The following KIF11 variants were observed in gnomAD, a reference collection of about 807,000 sequenced individuals.
The protein encoded by KIF11 is kinesin-like protein KIF11.
Under a neutral mutation model 121.0 loss-of-function variants are expected in KIF11, and 9 were observed. That is an observed-to-expected ratio of 0.07 (90% CI 0.04 to 0.13). The LOEUF (loss-of-function observed/expected upper bound fraction) is 0.13, where lower values mean the gene tolerates loss of function less well. Among genes scored for constraint, KIF11 ranks in the 10% least tolerant of loss-of-function variants. The pLI, the probability that KIF11 is intolerant of heterozygous loss-of-function variation, is 1.00. For synonymous variants in KIF11, 408 were observed against 421.0 expected (o/e 0.97, Z 0.38); for missense variants, 846 against 1,217.5 (o/e 0.69, Z 4.54).
chr10:92,618,420 G>A (rs947754142), intron 9 of KIF11, among the ~76,000 whole-genome samples: 2 of 151,654 alleles, frequency 1.3e-5, no homozygotes, highest in South Asian at 2.1e-4. Context: ...CGAGGTAGGC[G>A]GATTGCTTTA....
chr10:92,617,770 C>T (rs1239441248), intron 9 of KIF11, among the ~76,000 whole-genome samples: 1 of 149,938 alleles, frequency 6.7e-6, no homozygotes, highest in South Asian at 2.1e-4. Flanking sequence ...GATGAAGTCT[C>T]GCTCTTTCAC....
Position 92,645,254 on chromosome 10 carries a change from G to A in KIF11, c.2268-109G>A, listed in dbSNP as rs1469850418. On this transcript the variant is annotated intron_variant, in intron 17 of 21. Coordinates refer to ENST00000260731, the MANE Select transcript of KIF11 (RefSeq NM_004523.4). Reference sequence around the variant, plus strand: ...ACTAAGATCACGGGCCCTGGAGCCAGACTGTCCACGTTCAGATCTGCCACT... The same window carrying A: ...ACTAAGATCACGGGCCCTGGAGCCAAACTGTCCACGTTCAGATCTGCCACT... The A allele has an allele frequency of 9.4e-6, 7 of 746,454 alleles. No individual in the cohort carries two copies. The African/African-American group carries it at 1.1e-4, about 11-fold the overall frequency. 46.2% of individuals were successfully genotyped at this position (746,454 alleles called of 1,614,324 possible). A position where few individuals can be genotyped will look rare whatever the true frequency, so the allele number is the denominator to read the frequency against.
At chr10:92,595,429 A>G (rs946821654) in intron 1 of KIF11, among the ~76,000 whole-genome samples, 3 of 152,008 alleles carry the variant, frequency 2.0e-5, no homozygotes, top group Non-Finnish European at 4.4e-5. Flanking sequence ...TGTAAAAATC[A>G]TTCTTAAATC....
Position 92,630,362 on chromosome 10 carries a change from A to C in KIF11, c.1492A>C (p.Lys498Gln). 5 of 1,562,344 alleles carry C rather than the reference A, an allele frequency of 3.2e-6. No individual in the cohort carries two copies. The highest frequency in any genetic ancestry group is 3.4e-6 in the Non-Finnish European group (4 of 1,160,208). Residue 498 changes from lysine (K) to glutamine (Q), a missense_variant and splice_region_variant, in exon 12 of 22, where the codon AAG becomes CAG. Around this residue, in one of 5 missense-constraint regions of KIF11, gnomAD observed 95 missense variants for 109.3 expected, o/e 0.87. Transcript: ENST00000260731. ...GGAGAAACTTCATGATGCTGCCAGC[A>C]AGGTTTGTCCCTTGTGTTGATTTGT... is the stretch of plus-strand genomic sequence containing the variant. ...TEEKLHDAAS[K>Q]LLNTVEETTK...
intron 17 of KIF11, among the ~76,000 whole-genome samples, chr10:92,643,506 T>C (rs1246819529): frequency 6.6e-6 from 1 of 152,004 alleles, no homozygotes. Flanking sequence ...ACCTAATACA[T>C]TGTTACTTGA....
intron 14 of KIF11, 95 bp downstream of exon 14, chr10:92,633,890 C>A: frequency 1.3e-6 from 1 of 779,270 alleles, no homozygotes; most frequent in Non-Finnish European, 2.1e-6. Flanking sequence ...TCTTTATAAA[C>A]AATGTTAACT....
At chr10:92,612,805 C>G (rs1296686013) in intron 6 of KIF11, among the ~76,000 whole-genome samples, 2 of 152,190 alleles carry the variant, frequency 1.3e-5, no homozygotes, top group Admixed American at 6.5e-5. Context: ...GATTCTAAGT[C>G]TTTTAGAGAG....
At chr10:92,631,441 AAGCTCCG>A (rs1459467989) in intron 12 of KIF11, among the ~76,000 whole-genome samples, 1 of 146,394 alleles carries the variant, frequency 6.8e-6, no homozygotes, top group Non-Finnish European at 1.5e-5. Flanking sequence ...GGCTCACTGC[AAGCTCCG>A]CTTCCCGGGT....
At chr10:92,639,429 A>G (rs930257062) in intron 16 of KIF11, among the ~76,000 whole-genome samples, 3 of 152,094 alleles carry the variant, frequency 2.0e-5, no homozygotes, top group Non-Finnish European at 4.4e-5. Context: ...CTCTACAAAA[A>G]AAATTTGTTT....
intron 18 of KIF11, among the ~76,000 whole-genome samples, chr10:92,647,477 T>C (rs1036117652): frequency 6.6e-6 from 1 of 152,190 alleles, no homozygotes; most frequent in African/African-American, 2.4e-5. Flanking sequence ...GAACCAAATC[T>C]AGTGGTGAAT....
intron 19 of KIF11, 114 bp from the exon 20 acceptor site, chr10:92,649,721 C>A: frequency 1.5e-6 from 1 of 668,396 alleles, no homozygotes; most frequent in Non-Finnish European, 2.5e-6. Context: ...TCATATATGG[C>A]AATTATATTT....
At chr10:92,596,807 T>G (rs7099635) in intron 1 of KIF11, 151,998 of 154,244 alleles carry the variant, frequency 0.99, 74,896 homozygotes, top group East Asian at 1. Context: ...ATTACTGTGG[T>G]TTGCCTTTTT....
chr10:92,649,539 C>G (rs182876634), intron 19 of KIF11, among the ~76,000 whole-genome samples: 1 of 152,066 alleles, frequency 6.6e-6, no homozygotes, highest in Non-Finnish European at 1.5e-5. Context: ...CCATTTTTTT[C>G]AGAACACTAT....
chr10:92,621,512 C>A, intron 10 of KIF11, 39 bp downstream of exon 10: 1 of 1,228,526 alleles, frequency 8.1e-7, no homozygotes, highest in Non-Finnish European at 1.2e-6. Flanking sequence ...CAAGAATAAG[C>A]ATTTCTGATA....
At chr10:92,623,947 T>C (rs1215507731) in intron 10 of KIF11, among the ~76,000 whole-genome samples, 2 of 152,156 alleles carry the variant, frequency 1.3e-5, no homozygotes, top group Non-Finnish European at 2.9e-5. Flanking sequence ...TCTATAGATA[T>C]ATTGCATGTA....
chr10:92,605,482 A>ATTTTTTTTTTT (rs58660991), intron 1 of KIF11, among the ~76,000 whole-genome samples: 6 of 98,308 alleles, frequency 6.1e-5, no homozygotes, highest in African/African-American at 2.1e-4. Flanking sequence ...ATTTGATCGG[A>ATTTTTTTTTTT]TTTTTTTTTT....
In KIF11 at chr10:92,653,689, A is replaced by C; in HGVS notation, c.3064A>C (p.Lys1022Gln). The C allele has an allele frequency of 1.2e-6, 2 of 1,612,460 alleles. No individual in the cohort carries two copies. Among genetic ancestry groups the C allele is most frequent in the Non-Finnish European group, 1.7e-6 (2 of 1,179,332 alleles). ...GCATAAAAAATCACATGGAAAAGAC[A>C]AAGAAAACAGAGGCATTAACACACT... The part of the protein sequence containing the change: ...FQHKKSHGKD[K>Q]ENRGINTLER... The change falls in exon 22 of 22, where the codon AAA becomes CAA. Residue 1022 changes from lysine (K) to glutamine (Q), a missense_variant. By Grantham distance (53) the Lys-to-Gln change is moderately conservative. Coordinates refer to ENST00000260731, the MANE Select transcript of KIF11 (RefSeq NM_004523.4).
intron 13 of KIF11, 75 bp from the exon 14 acceptor site, chr10:92,633,548 T>C: frequency 9.1e-7 from 1 of 1,092,998 alleles, no homozygotes; most frequent in Admixed American, 2.5e-5. Flanking sequence ...TTTTGTCAAC[T>C]TCTTTGAAAT....
At chr10:92,646,458 A>C (rs1489020019) in intron 18 of KIF11, among the ~76,000 whole-genome samples, 1 of 152,192 alleles carries the variant, frequency 6.6e-6, no homozygotes, top group African/African-American at 2.4e-5. Flanking sequence ...GGTACAAAGA[A>C]TTAAAATTTT....
Sources: allele counts gnomAD v4.1 joint callset (sites outside exome capture counted in the v4.1 genomes callset), GRCh38; gene constraint gnomAD v4.1.1; regional missense constraint gnomAD v4.1.1; transcripts MANE v1.5; gene names NCBI Gene and HGNC (gene_info 2026-07-23, HGNC 2026-07-21).